NEK1: variants seen among roughly 807,000 people sequenced by gnomAD.
NEK1 encodes the protein serine/threonine-protein kinase Nek1.
Under a neutral mutation model 182.1 loss-of-function variants are expected in NEK1, and 137 were observed. That is an observed-to-expected ratio of 0.75 (90% CI 0.65 to 0.87). The LOEUF (loss-of-function observed/expected upper bound fraction) is 0.87. Among genes scored for constraint, NEK1 ranks in the 40% least tolerant of loss-of-function variants. The probability of loss-of-function intolerance (pLI) is 0.00; values close to 1 mark genes in which losing one functional copy is unlikely to be tolerated. For missense variants in NEK1, 1,391 were observed against 1,494.4 expected (o/e 0.93, Z 1.14); for synonymous variants, 513 against 492.2 (o/e 1.04, Z -0.56).
intron 5 of NEK1, among the ~76,000 whole-genome samples, chr4:169,595,784 G>A (rs1436420130): frequency 3.9e-5 from 6 of 151,988 alleles, no homozygotes; most frequent in Admixed American, 2.6e-4. Context: ...ATTAGCCGGC[G>A]TGGTGGCGGG....
intron 11 of NEK1, among the ~76,000 whole-genome samples, chr4:169,578,771 G>A (rs146806313): frequency 5.9e-5 from 9 of 152,090 alleles, no homozygotes; most frequent in African/African-American, 1.7e-4. Context: ...CCATTAAGTC[G>A]GCATTTTAGA....
At chr4:169,569,036 G>A (rs1310452663) in intron 12 of NEK1, among the ~76,000 whole-genome samples, 4 of 151,486 alleles carry the variant, frequency 2.6e-5, no homozygotes, top group South Asian at 2.1e-4. Flanking sequence ...TATGTTTTAC[G>A]CTTTTATTAT....
At chr4:169,568,947 AAAAAG>A (rs1316452879) in intron 12 of NEK1, among the ~76,000 whole-genome samples, 2 of 150,788 alleles carry the variant, frequency 1.3e-5, no homozygotes, top group Non-Finnish European at 2.9e-5. Context: ...CAAAAAAAAA[AAAAAG>A]AAAACCCAAA....
intron 26 of NEK1, among the ~76,000 whole-genome samples, chr4:169,463,928 G>A (rs1345961117): frequency 6.6e-6 from 1 of 152,040 alleles, no homozygotes; most frequent in Non-Finnish European, 1.5e-5. Context: ...CCACCACAAA[G>A]GGCCTCATTT....
chr4:169,493,695 G>A (rs1020195668), intron 23 of NEK1, among the ~76,000 whole-genome samples: 17 of 152,284 alleles, frequency 1.1e-4, no homozygotes, highest in African/African-American at 3.6e-4. Context: ...GAATTTCAGA[G>A]CTCAAAGACT....
rs1046744064 is a variant in NEK1, at chr4:169,392,969, C to G, written c.*1541G>C. On this transcript the variant is annotated 3_prime_UTR_variant, in exon 36 of 36. Coordinates refer to ENST00000507142, the MANE Select transcript of NEK1 (RefSeq NM_001199397.3). ...CACTGCTAATCGACTGGAGATGGCA[C>G]AAATCTTATTGATCATCCTTATTCC... The G allele has an allele frequency of 6.6e-6, 1 of 152,168 alleles. No homozygotes were observed. The highest frequency in any genetic ancestry group is 1.5e-5 in the Non-Finnish European group (1 of 68,022). 9.4% of individuals were successfully genotyped at this position (152,168 alleles called of 1,614,324 possible).
At chr4:169,488,563 T>G (rs931685623) in intron 23 of NEK1, among the ~76,000 whole-genome samples, 17 of 152,206 alleles carry the variant, frequency 1.1e-4, no homozygotes, top group African/African-American at 4.1e-4. Context: ...CCATGCTGGT[T>G]TGGTTACAGG....
chr4:169,515,395 T>C (rs2149724448), intron 19 of NEK1, among the ~76,000 whole-genome samples: 1 of 152,330 alleles, frequency 6.6e-6, no homozygotes, highest in Non-Finnish European at 1.5e-5. Context: ...GTCTCAACTG[T>C]AATTGTGAAC....
At chr4:169,560,327 G>A (rs983360035) in intron 16 of NEK1, among the ~76,000 whole-genome samples, 1 of 152,134 alleles carries the variant, frequency 6.6e-6, no homozygotes, top group Non-Finnish European at 1.5e-5. Flanking sequence ...TTTCTTGCTA[G>A]TTGCTCATTA....
chr4:169,450,770 G>C (rs1741560613), intron 27 of NEK1, among the ~76,000 whole-genome samples: 1 of 152,126 alleles, frequency 6.6e-6, no homozygotes, highest in African/African-American at 2.4e-5. Flanking sequence ...AATAAACAGT[G>C]AACATCATAA....
chr4:169,527,315 A>T (rs961255670), intron 19 of NEK1, among the ~76,000 whole-genome samples: 1 of 152,326 alleles, frequency 6.6e-6, no homozygotes, highest in Admixed American at 6.5e-5. Context: ...CTGCTAAACG[A>T]ATTTCTTTAG....
rs1738757458 is a variant in NEK1, at chr4:169,438,086, C to T, written c.2761G>A (p.Glu921Lys). 6.2e-7 allele frequency: 1 copy of T among 1,609,554 alleles called. No homozygotes were observed. Among genetic ancestry groups the T allele is most frequent in the Non-Finnish European group, 8.5e-7 (1 of 1,178,038 alleles). ...ATTTTGACTCATTAGAACATACCTTCTAAATTTCCTTCCAGTTTCAATGAC... is the reference window on the plus strand; with the variant it reads ...ATTTTGACTCATTAGAACATACCTTTTAAATTTCCTTCCAGTTTCAATGAC... ...QMSLKLEGNL[E>K]EPDDLETEIL... The change falls in exon 28 of 36, where the codon GAA (glutamate) becomes AAA (lysine). Residue 921 changes from glutamate (E) to lysine (K), a missense_variant. Glu to Lys is a moderately conservative substitution (Grantham distance 56). This residue lies in a region of NEK1 where 1,216 missense variants were observed against 1,277.6 expected (regional missense o/e 0.95). Transcript: ENST00000507142.
At chr4:169,571,974 G>A (rs1422391754) in intron 12 of NEK1, among the ~76,000 whole-genome samples, 2 of 149,374 alleles carry the variant, frequency 1.3e-5, no homozygotes, top group Non-Finnish European at 3.0e-5. Context: ...TCTTGACATC[G>A]TGAGATCAAG....
intron 18 of NEK1, among the ~76,000 whole-genome samples, chr4:169,548,562 C>T (rs971379785): frequency 6.6e-6 from 1 of 152,234 alleles, no homozygotes; most frequent in African/African-American, 2.4e-5. Flanking sequence ...TGAAGCTGTG[C>T]CCACAACTGC....
At chr4:169,562,332 T>TAAAA in intron 12 of NEK1, 136 bp from the exon 13 acceptor site, 1 of 472,456 alleles carries the variant, frequency 2.1e-6, no homozygotes, top group African/African-American at 2.1e-5. Context: ...TACATTATCT[T>TAAAA]AAAAAAAAAA....
Position 169,599,201 on chromosome 4 carries a change from C to T in NEK1, c.215-4G>A, listed in dbSNP as rs1293978011. 6.3e-6 allele frequency: 10 copies of T among 1,594,604 alleles called. No individual in the cohort carries two copies. The highest frequency in any genetic ancestry group is 7.7e-6 in the Non-Finnish European group (9 of 1,164,192). On this transcript the variant is annotated splice_polypyrimidine_tract_variant and splice_region_variant and intron_variant, in intron 4 of 35. Coordinates refer to ENST00000507142, the MANE Select transcript of NEK1 (RefSeq NM_001199397.3). ...ACTATGTAGAGAGAGCCATTTTCTACAAAATATAAACATTACAGTCCACTT... is the reference window on the plus strand; with the variant it reads ...ACTATGTAGAGAGAGCCATTTTCTATAAAATATAAACATTACAGTCCACTT...
intron 18 of NEK1, chr4:169,554,789 A>G (rs1016987601): frequency 2.0e-5 from 3 of 152,164 alleles, no homozygotes; most frequent in African/African-American, 7.2e-5. Flanking sequence ...TACCAAGAGT[A>G]AACTCTAATG....
intron 23 of NEK1, among the ~76,000 whole-genome samples, chr4:169,494,400 A>C (rs933312068): frequency 6.6e-6 from 1 of 152,146 alleles, no homozygotes; most frequent in African/African-American, 2.4e-5. Flanking sequence ...TTCCAGCTTC[A>C]TCCATGCCCC....
chr4:169,589,075 A>T (rs1767998918), intron 7 of NEK1, among the ~76,000 whole-genome samples: 1 of 152,186 alleles, frequency 6.6e-6, no homozygotes, highest in African/African-American at 2.4e-5. Flanking sequence ...TGTCCCATAA[A>T]GGTATATCAT....
Sources: gnomAD v4.1 joint callset for allele counts (sites outside exome capture counted in the v4.1 genomes callset) on GRCh38, gnomAD v4.1.1 for gene constraint, gnomAD v4.1.1 regional missense constraint, MANE v1.5 for transcripts, NCBI Gene and HGNC (gene_info 2026-07-23, HGNC 2026-07-21) for gene names.